ERC2: variants seen among roughly 807,000 people sequenced by gnomAD.
ERC2 encodes ELKS/RAB6-interacting/CAST family member 2.
In ERC2, 42 loss-of-function variants were observed where a neutral mutation model predicts 114.8. That is an observed-to-expected ratio of 0.37 (90% CI 0.29 to 0.47). ERC2 has a LOEUF of 0.47. Ranked by LOEUF, ERC2 falls within the 20% of genes least tolerant of loss-of-function variation. The pLI is 0.99. For synonymous variants in ERC2, 454 were observed against 425.5 expected (o/e 1.07, Z -0.82); for missense variants, 939 against 1,150.7 (o/e 0.82, Z 2.66).
At position 55,909,070 on chromosome 3, in the gene ERC2, T is replaced by A. The variant is rs538249055; in HGVS notation, c.2404-20521A>T. Among the ~76,000 whole-genome samples, 4 of 152,254 alleles carry A rather than the reference T, an allele frequency of 2.6e-5. No individual in the cohort carries two copies. The South Asian group carries it at 8.3e-4, about 32-fold the overall frequency. On this transcript the variant is annotated intron_variant, in intron 13 of 17. Coordinates refer to ENST00000288221, the MANE Select transcript of ERC2 (RefSeq NM_015576.3). ...TCCATGTTACAGATCAGGCACAGGA[T>A]GGTTAAATAGGTCTACAGCCAAAAA...
At chr3:56,430,996 A>C (rs1343830439) in intron 2 of ERC2, among the ~76,000 whole-genome samples, 2 of 151,986 alleles carry the variant, frequency 1.3e-5, no homozygotes, top group Non-Finnish European at 2.9e-5. Context: ...TATGCTGCTT[A>C]CCAACTGTGT....
intron 2 of ERC2, among the ~76,000 whole-genome samples, chr3:56,354,304 G>A (rs954136451): frequency 4.6e-5 from 7 of 152,174 alleles, no homozygotes; most frequent in African/African-American, 7.2e-5. Context: ...ATGGCTCTTC[G>A]CTGGGCACCA....
rs185835571 is a variant in ERC2 at position 55,559,413 on chromosome 3, C to T, written c.*40-48137G>A. 2.8e-3 allele frequency among the ~76,000 whole-genome samples: 434 copies of T among 152,372 alleles called. 3 individuals carry two copies. The highest frequency in any genetic ancestry group is 9.9e-3 in the African/African-American group (411 of 41,598). ...CCATAGCTCCAGGTGCCTGTAAAAT[C>T]CAGAACTCACAACCTCAGGGTTCCT... On this transcript the variant is annotated intron_variant, in intron 17 of 17. Transcript: ENST00000288221.
intron 14 of ERC2, among the ~76,000 whole-genome samples, chr3:55,836,063 T>C (rs2060867433): frequency 6.6e-6 from 1 of 150,816 alleles, no homozygotes; most frequent in Non-Finnish European, 1.5e-5. Flanking sequence ...GAAGGACCTC[T>C]TCAAGGAGAA....
intron 13 of ERC2, among the ~76,000 whole-genome samples, chr3:55,913,680 A>G (rs1474082779): frequency 2.0e-5 from 3 of 152,172 alleles, no homozygotes; most frequent in Non-Finnish European, 4.4e-5. Flanking sequence ...ATTTTGATCT[A>G]TGGGACAGGA....
At chr3:55,549,295 G>T (rs1002806077) in intron 17 of ERC2, among the ~76,000 whole-genome samples, 4 of 151,938 alleles carry the variant, frequency 2.6e-5, no homozygotes, top group Admixed American at 2.6e-4. Flanking sequence ...AAAAAAAAAG[G>T]CCTCTATGAA....
intron 2 of ERC2, among the ~76,000 whole-genome samples, chr3:56,318,734 T>G (rs539929670): frequency 6.0e-4 from 91 of 151,730 alleles, no homozygotes; most frequent in Non-Finnish European, 1.0e-3. Flanking sequence ...GGCAATGCAA[T>G]TCAAACTCAC....
At chr3:56,097,169 T>C (rs1346337705) in intron 6 of ERC2, among the ~76,000 whole-genome samples, 3 of 152,198 alleles carry the variant, frequency 2.0e-5, no homozygotes, top group Non-Finnish European at 2.9e-5. Context: ...TGTTTCTCTG[T>C]TGGGACTTGT....
chr3:55,705,246 C>T (rs975737783), intron 15 of ERC2, among the ~76,000 whole-genome samples: 4 of 152,124 alleles, frequency 2.6e-5, no homozygotes, highest in African/African-American at 9.7e-5. Context: ...ATGGGTCAAA[C>T]GCCCCTTGAG....
At position 55,780,136 on chromosome 3, in the gene ERC2, T is replaced by G. The variant is rs573099618; in HGVS notation, c.2565-45218A>C. 3.3e-5 allele frequency among the ~76,000 whole-genome samples: 5 copies of G among 152,268 alleles called. No homozygotes were observed. In the East Asian group the frequency reaches 5.8e-4, roughly 18 times the overall value. The stretch of plus-strand genomic sequence containing the variant: ...AAATCCAGAGGCAAGACAAGGATGC[T>G]CACTATAACCACTAGTATTTAGTAT... On this transcript the variant is annotated intron_variant, in intron 14 of 17. Transcript: ENST00000288221.
chr3:56,367,071 C>T (rs1300483425), intron 2 of ERC2, among the ~76,000 whole-genome samples: 1 of 152,152 alleles, frequency 6.6e-6, no homozygotes, highest in Non-Finnish European at 1.5e-5. Context: ...AAGTCTAATT[C>T]TTCTCCAGAA....
intron 2 of ERC2, among the ~76,000 whole-genome samples, chr3:56,399,795 G>A (rs764317908): frequency 8.6e-5 from 13 of 151,840 alleles, no homozygotes; most frequent in Admixed American, 1.3e-4. Context: ...TTTTTATTCA[G>A]CCTCTAGATT....
intron 8 of ERC2, among the ~76,000 whole-genome samples, chr3:56,018,526 TGAAA>T (rs1019876951): frequency 6.6e-6 from 1 of 151,670 alleles, no homozygotes; most frequent in Non-Finnish European, 1.5e-5. Context: ...AGGCTGGAAA[TGAAA>T]GAAAGAATGA....
At chr3:55,767,924 G>A (rs1057033756) in intron 14 of ERC2, among the ~76,000 whole-genome samples, 1 of 152,214 alleles carries the variant, frequency 6.6e-6, no homozygotes, top group African/African-American at 2.4e-5. Flanking sequence ...ACTCCCCAGT[G>A]TTGGAGGAGG....
intron 17 of ERC2, among the ~76,000 whole-genome samples, chr3:55,534,488 G>A (rs1203019471): frequency 6.6e-6 from 1 of 151,710 alleles, no homozygotes; most frequent in Non-Finnish European, 1.5e-5. Context: ...GAGCCCAGGA[G>A]TCTCAGAACA....
At chr3:56,036,821 G>C (rs1007925928) in intron 7 of ERC2, among the ~76,000 whole-genome samples, 9 of 152,096 alleles carry the variant, frequency 5.9e-5, no homozygotes, top group Admixed American at 5.2e-4. Flanking sequence ...CCCAAGCAAA[G>C]AGCTGTGCAG....
At chr3:55,824,872 G>T (rs984643803) in intron 14 of ERC2, among the ~76,000 whole-genome samples, 1 of 152,132 alleles carries the variant, frequency 6.6e-6, no homozygotes, top group South Asian at 2.1e-4. Context: ...GCCCAAACGT[G>T]GTTAGCCGTT....
chr3:56,394,247 C>T (rs1348776955), intron 2 of ERC2, among the ~76,000 whole-genome samples: 1 of 152,124 alleles, frequency 6.6e-6, no homozygotes, highest in Non-Finnish European at 1.5e-5. Flanking sequence ...TAATGAGAAT[C>T]TCAAACTATG....
At chr3:55,654,712 G>A (rs758804022) in intron 17 of ERC2, among the ~76,000 whole-genome samples, 48 of 152,352 alleles carry the variant, frequency 3.2e-4, no homozygotes, top group Non-Finnish European at 5.4e-4. Flanking sequence ...GCTTTGGCAC[G>A]AGAAGGAGAC....
Sources: allele counts gnomAD v4.1 joint callset (sites outside exome capture counted in the v4.1 genomes callset), GRCh38; gene constraint gnomAD v4.1.1; transcripts MANE v1.5; gene names NCBI Gene and HGNC (gene_info 2026-07-23, HGNC 2026-07-21).